Variants in DLG2 observed in about 807,000 individuals in gnomAD.
The protein encoded by DLG2 is discs large MAGUK scaffold protein 2.
DLG2 carries 45 observed loss-of-function variants against 132.5 expected under a neutral mutation model. The ratio of observed to expected loss-of-function variants is 0.34; its 90% CI spans 0.27 to 0.44. The LOEUF (loss-of-function observed/expected upper bound fraction) is 0.44. Ranked by LOEUF, DLG2 falls within the 20% of genes least tolerant of loss-of-function variation. The pLI is 1.00. For synonymous variants in DLG2, 424 were observed against 419.6 expected (o/e 1.01, Z -0.13); for missense variants, 1,045 against 1,196.9 (o/e 0.87, Z 1.87).
At chr11:83,546,665 T>C (rs2096250531) in intron 19 of DLG2, among the ~76,000 whole-genome samples, 2 of 152,240 alleles carry the variant, frequency 1.3e-5, no homozygotes, top group Middle Eastern at 3.4e-3. Flanking sequence ...TAGGTAGATG[T>C]GTCTCACTCA....
intron 6 of DLG2, among the ~76,000 whole-genome samples, chr11:84,572,717 G>C (rs988505417): frequency 2.6e-5 from 4 of 152,052 alleles, no homozygotes; most frequent in African/African-American, 9.7e-5. Context: ...TATATTTGTA[G>C]TAAGCAACCT....
At chr11:84,727,471 G>C (rs946833124) in intron 6 of DLG2, among the ~76,000 whole-genome samples, 2 of 152,130 alleles carry the variant, frequency 1.3e-5, no homozygotes, top group Admixed American at 6.6e-5. Context: ...TTTGCTTCCA[G>C]TACCATGCTG....
Position 85,551,002 on chromosome 11 carries a change from T to C in DLG2, c.40+47655A>G, listed in dbSNP as rs117316061. ...AAATACAGAAATAGAAGTGGCACAA[T>C]ATTGCTCAAAATCTTCAGTAGCTTC... On this transcript the variant is annotated intron_variant, in intron 3 of 27. Transcript: ENST00000376104. Among the ~76,000 whole-genome samples the C allele has an allele frequency of 5.7e-3, 873 of 152,278 alleles. 3 individuals are homozygous for C. The highest frequency in any genetic ancestry group is 7.3e-3 in the Non-Finnish European group (496 of 68,014).
intron 7 of DLG2, among the ~76,000 whole-genome samples, chr11:84,413,160 T>A (rs534037898): frequency 6.6e-6 from 1 of 152,172 alleles, no homozygotes; most frequent in African/African-American, 2.4e-5. Flanking sequence ...TGCTGTCAGA[T>A]GTCTCAGCCT....
chr11:84,989,326 C>T (rs1357916178), intron 6 of DLG2, among the ~76,000 whole-genome samples: 1 of 152,078 alleles, frequency 6.6e-6, no homozygotes, highest in Non-Finnish European at 1.5e-5. Context: ...TAGGCATCTG[C>T]CACCACGCCC....
intron 7 of DLG2, among the ~76,000 whole-genome samples, chr11:84,452,174 AGAGGAAGAG>A (rs2099053460): frequency 6.6e-6 from 1 of 151,578 alleles, no homozygotes; most frequent in South Asian, 2.1e-4. Context: ...GAGAAAAGGA[AGAGGAAGAG>A]GAGGAGGAGG....
intron 3 of DLG2, among the ~76,000 whole-genome samples, chr11:85,420,694 G>C (rs2090224942): frequency 6.6e-6 from 1 of 152,196 alleles, no homozygotes. Flanking sequence ...GGTGGGCTCT[G>C]CCCAGTTTGA....
At chr11:85,549,038 A>G (rs189858234) in intron 3 of DLG2, among the ~76,000 whole-genome samples, 2 of 151,370 alleles carry the variant, frequency 1.3e-5, no homozygotes, top group East Asian at 2.0e-4. Flanking sequence ...CTGGGGTATG[A>G]AAAAAAAACT....
intron 7 of DLG2, among the ~76,000 whole-genome samples, chr11:84,383,496 T>C (rs182896807): frequency 6.6e-6 from 1 of 152,220 alleles, no homozygotes; most frequent in African/African-American, 2.4e-5. Flanking sequence ...ATCATGCCCA[T>C]GATTACCTTA....
At chr11:84,046,533 G>T (rs1201021278) in intron 11 of DLG2, among the ~76,000 whole-genome samples, 2 of 151,462 alleles carry the variant, frequency 1.3e-5, no homozygotes, top group East Asian at 3.9e-4. Context: ...GGCTTATACT[G>T]AACAAATCAT....
At chr11:84,934,323 C>G (rs925793156) in intron 6 of DLG2, among the ~76,000 whole-genome samples, 1 of 151,504 alleles carries the variant, frequency 6.6e-6, no homozygotes, top group Non-Finnish European at 1.5e-5. Context: ...GAATATTGGC[C>G]TGAAGTTTTC....
chr11:84,031,398 C>A (rs569450298), intron 11 of DLG2, among the ~76,000 whole-genome samples: 5 of 151,846 alleles, frequency 3.3e-5, no homozygotes, highest in Non-Finnish European at 5.9e-5. Flanking sequence ...TGCATTTGAC[C>A]GTGTTAAACT....
Position 83,930,571 on chromosome 11 carries a change from A to C in DLG2, c.1341-88T>G, listed in dbSNP as rs958008603. On this transcript the variant is annotated intron_variant, in intron 14 of 27. Transcript: ENST00000376104. ...ACCAGTAGCATCTCAGCATGTGCAA[A>C]AGTAAAAACAATGCCATTTTATCTT... 5 of 1,307,228 alleles carry C rather than the reference A, an allele frequency of 3.8e-6. No homozygotes were observed. In the Admixed American group the frequency reaches 7.1e-5, roughly 19 times the overall value. 81.0% of individuals were successfully genotyped at this position (1,307,228 alleles called of 1,614,324 possible). A position where few individuals can be genotyped will look rare whatever the true frequency, so the allele number is the denominator to read the frequency against.
intron 6 of DLG2, among the ~76,000 whole-genome samples, chr11:85,096,245 C>T (rs1444484429): frequency 6.6e-6 from 1 of 152,178 alleles, no homozygotes; most frequent in African/African-American, 2.4e-5. Flanking sequence ...GGTCCCCTTC[C>T]AGGCTGTGGA....
At chr11:84,278,597 T>C (rs1219244981) in intron 7 of DLG2, among the ~76,000 whole-genome samples, 1 of 152,006 alleles carries the variant, frequency 6.6e-6, no homozygotes, top group East Asian at 1.9e-4. Flanking sequence ...TTTTAGCAAA[T>C]TTAATCGAAC....
chr11:85,614,192 TA>T (rs2081190862), intron 2 of DLG2, among the ~76,000 whole-genome samples: 2 of 152,232 alleles, frequency 1.3e-5, no homozygotes, highest in African/African-American at 2.4e-5. Flanking sequence ...AAAAGTATTT[TA>T]CTAAGAAGTA....
chr11:84,187,412 T>G (rs1219584723), intron 8 of DLG2, among the ~76,000 whole-genome samples: 1 of 152,012 alleles, frequency 6.6e-6, no homozygotes, highest in Non-Finnish European at 1.5e-5. Flanking sequence ...TTATAAAGAT[T>G]CAGAGGTAGT....
rs6144417 is a variant in DLG2 at position 83,871,638 on chromosome 11, G to GCTCAGT, written c.1565+2781_1565+2782insACTGAG. On this transcript the variant is annotated intron_variant, in intron 16 of 27. Coordinates refer to ENST00000376104, the MANE Select transcript of DLG2 (RefSeq NM_001142699.3). ...ATGAAAAATAACTTTCCCACTATGTGCACGTTATCTCTTCATCTGACAACC... is the reference window on the plus strand; with the variant it reads ...ATGAAAAATAACTTTCCCACTATGTGCTCAGTCACGTTATCTCTTCATCTGACAACC... Among the ~76,000 whole-genome samples, 26 of 151,860 alleles carry GCTCAGT rather than the reference G, an allele frequency of 1.7e-4. No individual in the cohort carries two copies. In the East Asian group the frequency reaches 3.5e-3, roughly 20 times the overall value.
chr11:83,919,366 C>G (rs1238539565), intron 15 of DLG2, among the ~76,000 whole-genome samples: 1 of 152,062 alleles, frequency 6.6e-6, no homozygotes, highest in African/African-American at 2.4e-5. Flanking sequence ...CTTCAGGTTT[C>G]CCATGCAGAG....
Sources: gnomAD v4.1 joint callset for allele counts (sites outside exome capture counted in the v4.1 genomes callset) on GRCh38, gnomAD v4.1.1 for gene constraint, MANE v1.5 for transcripts, NCBI Gene and HGNC (gene_info 2026-07-23, HGNC 2026-07-21) for gene names.